The following PCDHGA4 variants were observed in gnomAD, a reference collection of about 807,000 sequenced individuals.
The protein encoded by PCDHGA4 is protocadherin gamma-A4.
PCDHGA4 carries 38 observed loss-of-function variants against 54.6 expected under a neutral mutation model. The ratio of observed to expected loss-of-function variants is 0.70; its 90% CI spans 0.54 to 0.91. PCDHGA4 has a LOEUF of 0.91. PCDHGA4 is among the 40% of genes least tolerant of loss of function. The probability of loss-of-function intolerance (pLI) is 0.00; values close to 1 mark genes in which losing one functional copy is unlikely to be tolerated. For synonymous variants in PCDHGA4, 511 were observed against 512.9 expected, an observed-to-expected ratio of 1.00 and a Z score of 0.05; for missense variants, 1,298 against 1,220.9, an observed-to-expected ratio of 1.06 and a Z score of -0.94.
chr5:141,421,863 C>T (rs767555107), intron 1 of PCDHGA4: 1 of 1,613,746 alleles, frequency 6.2e-7, no homozygotes, highest in Non-Finnish European at 8.5e-7. Flanking sequence ...ACCTGCTCCT[C>T]CTCACAGCTT....
chr5:141,413,836 G>A, intron 1 of PCDHGA4: 2 of 1,613,256 alleles, frequency 1.2e-6, no homozygotes, highest in Non-Finnish European at 1.7e-6. Context: ...CGCCTCCGAC[G>A]GGGGTGACCC....
Position 141,491,170 on chromosome 5 carries a change from G to A in PCDHGA4, c.2515-3637G>A. The stretch of plus-strand genomic sequence containing the variant: ...GGAGGATGACTCTGACACCCAGCAG[G>A]TGGTGGTCCTGGTGAGGGACAATGG... On this transcript the variant is annotated intron_variant, in intron 1 of 3. Coordinates refer to ENST00000571252, the MANE Select transcript of PCDHGA4 (RefSeq NM_018917.4). The surrounding 1 kb of genome is among the most constrained non-coding windows in gnomAD (Gnocchi z 6.9). 6.2e-7 allele frequency: 1 copy of A among 1,614,176 alleles called. No individual in the cohort carries two copies. Among genetic ancestry groups the A allele is most frequent in the Non-Finnish European group, 8.5e-7 (1 of 1,179,996 alleles).
At chr5:141,403,046 C>T in intron 1 of PCDHGA4, 1 of 1,614,056 alleles carries the variant, frequency 6.2e-7, no homozygotes, top group Non-Finnish European at 8.5e-7. Flanking sequence ...CAGTCAGATT[C>T]GCTACTCAGT....
rs750129951 is a variant in PCDHGA4 at position 141,375,757 on chromosome 5, T to C, written c.2514+18136T>C. The C allele has an allele frequency of 6.1e-5, 99 of 1,614,196 alleles. 1 individual carries two copies. The South Asian group carries it at 8.5e-4, about 14-fold the overall frequency. On this transcript the variant is annotated intron_variant, in intron 1 of 3. Coordinates refer to ENST00000571252, the MANE Select transcript of PCDHGA4 (RefSeq NM_018917.4). Reference sequence around the variant, plus strand: ...TGTTTGTGCTGGACCAGAATGACAATGCGCCCGAGATCCTGTACCCCGCCC... The same window carrying C: ...TGTTTGTGCTGGACCAGAATGACAACGCGCCCGAGATCCTGTACCCCGCCC...
rs551482869 is a variant in PCDHGA4, at chr5:141,372,722, A to G, written c.2514+15101A>G. On this transcript the variant is annotated intron_variant, in intron 1 of 3. Coordinates refer to ENST00000571252, the MANE Select transcript of PCDHGA4 (RefSeq NM_018917.4). ...TCAATATAAAGGCTGAAAATGCTGCACCACAAGATCTTCTATGTGATGAAG... is the reference window on the plus strand; with the variant it reads ...TCAATATAAAGGCTGAAAATGCTGCGCCACAAGATCTTCTATGTGATGAAG... The G allele has an allele frequency of 2.5e-6, 4 of 1,613,930 alleles. 1 individual carries two copies. In the South Asian group the frequency reaches 4.4e-5, roughly 18 times the overall value.
Position 141,366,562 on chromosome 5 carries a change from T to A in PCDHGA4, c.2514+8941T>A, listed in dbSNP as rs767375100. 15 of 1,614,112 alleles carry A rather than the reference T, an allele frequency of 9.3e-6. No homozygotes were observed. The East Asian group carries it at 2.0e-4, about 22-fold the overall frequency. On this transcript the variant is annotated intron_variant, in intron 1 of 3. Transcript: ENST00000571252. Reference sequence around the variant, plus strand: ...CCGCCTCGCACTTTGTGGGCGTGGATGGGGTTCGGGCTTTCCTGCAGACCT... The same window carrying A: ...CCGCCTCGCACTTTGTGGGCGTGGAAGGGGTTCGGGCTTTCCTGCAGACCT...
chr5:141,413,490 G>T (rs1255775347), intron 1 of PCDHGA4: 2 of 1,614,070 alleles, frequency 1.2e-6, no homozygotes, highest in Admixed American at 3.3e-5. Flanking sequence ...AGAGCGCGCG[G>T]TGCGTGGTGA....
intron 1 of PCDHGA4, among the ~76,000 whole-genome samples, chr5:141,455,890 T>G (rs1055285369): frequency 1.3e-5 from 2 of 149,264 alleles, no homozygotes; most frequent in African/African-American, 2.4e-5. Flanking sequence ...TTTATTTATT[T>G]ATTTATTTAT....
chr5:141,408,985 G>A, intron 1 of PCDHGA4: 1 of 1,613,966 alleles, frequency 6.2e-7, no homozygotes, highest in South Asian at 1.1e-5. Context: ...GGTCCCCTGT[G>A]TTGCAAGTGA....
intron 1 of PCDHGA4, chr5:141,410,296 A>G (rs1424650333): frequency 6.2e-7 from 1 of 1,613,774 alleles, no homozygotes; most frequent in Admixed American, 1.7e-5. Flanking sequence ...CCTTGGCCTT[A>G]ATCTCAGTGC....
At chr5:141,394,060 C>A (rs1437765710) in intron 1 of PCDHGA4, 9 of 1,613,662 alleles carry the variant, frequency 5.6e-6, no homozygotes, top group African/African-American at 4.0e-5. Context: ...GAAAATGTCT[C>A]TATCTACAAT....
At chr5:141,426,756 G>C in intron 1 of PCDHGA4, 1 of 456,302 alleles carries the variant, frequency 2.2e-6, no homozygotes, top group Non-Finnish European at 4.4e-6. Context: ...ATCTGCTATA[G>C]ATGCAGATGT....
Position 141,485,792 on chromosome 5 carries a change from G to T in PCDHGA4, c.2515-9015G>T, listed in dbSNP as rs114766079. 6.2e-6 allele frequency: 10 copies of T among 1,614,118 alleles called. No individual in the cohort carries two copies. In the Admixed American group the frequency reaches 1.3e-4, roughly 22 times the overall value. ...GCCTTTGGATCGAGAGAAGCAATCG[G>T]ACTACCGCCTGGTGCTGACTGCTGT... On this transcript the variant is annotated intron_variant, in intron 1 of 3. Transcript: ENST00000571252. This position sits in a 1 kb window ranked among gnomAD's most constrained non-coding sequence, Gnocchi z 5.7.
chr5:141,379,993 G>A (rs922146667), intron 1 of PCDHGA4, among the ~76,000 whole-genome samples: 21 of 143,096 alleles, frequency 1.5e-4, no homozygotes, highest in Middle Eastern at 3.8e-3. Context: ...TCCTCCTCCT[G>A]GGTTCAAGCG....
At chr5:141,417,680 A>G (rs1236124418) in intron 1 of PCDHGA4, 21 of 1,016,072 alleles carry the variant, frequency 2.1e-5, no homozygotes, top group Non-Finnish European at 2.9e-5. Context: ...AGCCAACAAC[A>G]GAAAAGAAAA....
chr5:141,364,680 A>G (rs751537197), intron 1 of PCDHGA4: 1 of 1,614,008 alleles, frequency 6.2e-7, no homozygotes, highest in Non-Finnish European at 8.5e-7. Flanking sequence ...ATGAAAATTT[A>G]TGGAGTAGAA....
intron 1 of PCDHGA4, chr5:141,415,423 G>A: frequency 1.2e-6 from 2 of 1,614,204 alleles, no homozygotes; most frequent in Non-Finnish European, 1.7e-6. Context: ...CGTGGACGGG[G>A]TTCGGGCTTT....
At chr5:141,398,580 A>G in intron 1 of PCDHGA4, 1 of 1,614,044 alleles carries the variant, frequency 6.2e-7, no homozygotes, top group Non-Finnish European at 8.5e-7. Context: ...CTGGCACAAG[A>G]TTTATACTAG....
intron 1 of PCDHGA4, chr5:141,388,812 G>C (rs775037681): frequency 6.2e-7 from 1 of 1,613,934 alleles, no homozygotes. Flanking sequence ...TTTTGAAGAA[G>C]TCAAAGAATA....
Sources: gnomAD v4.1 joint callset for allele counts (sites outside exome capture counted in the v4.1 genomes callset) on GRCh38, gnomAD v4.1.1 for gene constraint, Gnocchi (gnomAD v3.1) non-coding constraint, MANE v1.5 for transcripts, NCBI Gene and HGNC (gene_info 2026-07-23, HGNC 2026-07-21) for gene names.